The following SLC43A2 variants were observed in gnomAD, a reference collection of about 807,000 sequenced individuals.
SLC43A2 encodes the protein solute carrier family 43 member 2, also known as large neutral amino acids transporter small subunit 4.
Under a neutral mutation model 63.2 loss-of-function variants are expected in SLC43A2, and 38 were observed. The ratio of observed to expected loss-of-function variants is 0.60; its 90% CI spans 0.46 to 0.79. The LOEUF is 0.79. Among genes scored for constraint, SLC43A2 ranks in the 30% least tolerant of loss-of-function variants. The pLI is 0.00. For synonymous variants in SLC43A2, 322 were observed against 331.0 expected (o/e 0.97, Z 0.30); for missense variants, 644 against 756.2 (o/e 0.85, Z 1.74).
chr17:1,579,049 G>A (rs2075974275), intron 11 of SLC43A2, among the ~76,000 whole-genome samples: 1 of 151,592 alleles, frequency 6.6e-6, no homozygotes, highest in Non-Finnish European at 1.5e-5. Context: ...GTTGAGGCAG[G>A]AGAATCGCTT....
Position 1,606,630 on chromosome 17 carries a change from C to G in SLC43A2, c.501+6565G>C, listed in dbSNP as rs550026671. Among the ~76,000 whole-genome samples the G allele has an allele frequency of 6.6e-6, 1 of 152,204 alleles. No homozygotes were observed. Among genetic ancestry groups the G allele is most frequent in the African/African-American group, 2.4e-5 (1 of 41,446 alleles). The stretch of plus-strand genomic sequence containing the variant: ...GACCCCAAGATGCGGCCTCAGCCGC[C>G]GGCCGTGTTTGTGCTCCAGCCGATG... On this transcript the variant is annotated intron_variant, in intron 5 of 13. Transcript: ENST00000301335. The surrounding 1 kb of genome is among the most constrained non-coding windows in gnomAD (Gnocchi z 4.7).
intron 2 of SLC43A2, 30 bp downstream of exon 2, chr17:1,627,685 G>GCC (rs5818816): frequency 4.4e-5 from 61 of 1,390,878 alleles, no homozygotes; most frequent in South Asian, 8.8e-5. Flanking sequence ...AGCTCCAGGA[G>GCC]CCCCCCGCAA....
intron 2 of SLC43A2, 152 bp downstream of exon 2, chr17:1,627,563 G>A (rs1908767830): frequency 1.4e-6 from 1 of 736,078 alleles, no homozygotes; most frequent in Non-Finnish European, 2.1e-6. Flanking sequence ...ACAAGTACCC[G>A]GCAGGGCTGG....
chr17:1,590,920 G>A lies in SLC43A2; in HGVS notation c.960C>T (p.Phe320=), dbSNP rs775726308. The part of the protein sequence containing the change: ...AVAPSFMHSV[F]SPILLLSLVT... ...CCAGGCTGAGCAGCAGGATGGGGCT[G>A]AACACGCTGTGCATGAAGGAGGGGG... is the stretch of plus-strand genomic sequence containing the variant. The change falls in exon 9 of 14, where the codon TTC becomes TTT. Residue 320 remains phenylalanine (F), a synonymous_variant. Coordinates refer to ENST00000301335, the MANE Select transcript of SLC43A2 (RefSeq NM_152346.3). The A allele has an allele frequency of 2.6e-6, 4 of 1,551,480 alleles. No homozygotes were observed. In the East Asian group the frequency reaches 7.3e-5, roughly 28 times the overall value.
intron 5 of SLC43A2, among the ~76,000 whole-genome samples, chr17:1,612,767 T>A (rs1319401783): frequency 6.6e-6 from 1 of 151,596 alleles, no homozygotes; most frequent in Non-Finnish European, 1.5e-5. Context: ...AGGTCAGGAG[T>A]TTGAGACCAG....
chr17:1,593,036 G>A lies in SLC43A2; in HGVS notation c.594+151C>T, dbSNP rs988678371. On this transcript the variant is annotated intron_variant, in intron 6 of 13. Transcript: ENST00000301335. This position sits in a 1 kb window ranked among gnomAD's most constrained non-coding sequence, Gnocchi z 5.3. ...TGAGGCCCCGCGGTTTTCATTTGTC[G>A]CCCCTGTGATGCCCAGGTGCATCCT... The A allele has an allele frequency of 3.9e-5, 26 of 664,056 alleles. No individual in the cohort carries two copies. The highest frequency in any genetic ancestry group is 3.6e-4 in the African/African-American group (20 of 55,258). 41.1% of individuals were successfully genotyped at this position (664,056 alleles called of 1,614,324 possible).
intron 10 of SLC43A2, chr17:1,585,410 A>G (rs1294126651): frequency 6.0e-6 from 2 of 330,758 alleles, no homozygotes; most frequent in Admixed American, 9.5e-5. Flanking sequence ...GCACCTGGCT[A>G]ATTTTTTGTA....
intron 5 of SLC43A2, among the ~76,000 whole-genome samples, chr17:1,608,342 C>T (rs1161341200): frequency 6.6e-6 from 1 of 152,024 alleles, no homozygotes; most frequent in Non-Finnish European, 1.5e-5. Context: ...CTTTTTGCCT[C>T]CAGTGGGAGA....
rs571557244 is a variant in SLC43A2, at chr17:1,577,709, T to C, written c.1424+541A>G. On this transcript the variant is annotated intron_variant, in intron 12 of 13. Coordinates refer to ENST00000301335, the MANE Select transcript of SLC43A2 (RefSeq NM_152346.3). This position sits in a 1 kb window ranked among gnomAD's most constrained non-coding sequence, Gnocchi z 4.9. ...GAAGGAACCACTGTGGTTCCTTTTATGTTTCTGGGGCTTCTTGGAAAAAGA... is the reference window on the plus strand; with the variant it reads ...GAAGGAACCACTGTGGTTCCTTTTACGTTTCTGGGGCTTCTTGGAAAAAGA... Among the ~76,000 whole-genome samples, 2 of 152,334 alleles carry C rather than the reference T, an allele frequency of 1.3e-5. No homozygotes were observed. Among genetic ancestry groups the C allele is most frequent in the Admixed American group, 1.3e-4 (2 of 15,300 alleles).
intron 10 of SLC43A2, 164 bp downstream of exon 10, chr17:1,585,749 C>T (rs2076091483): frequency 4.4e-6 from 7 of 1,579,150 alleles, no homozygotes; most frequent in African/African-American, 1.3e-5. Context: ...GCAGTTGAAA[C>T]GCATGCTGAG....
intron 5 of SLC43A2, among the ~76,000 whole-genome samples, chr17:1,596,740 G>A (rs1458221386): frequency 2.0e-5 from 3 of 151,960 alleles, no homozygotes; most frequent in Non-Finnish European, 4.4e-5. Flanking sequence ...GTGCCACCAC[G>A]CCCAGCTATT....
At chr17:1,594,777 A>T (rs999932081) in intron 5 of SLC43A2, among the ~76,000 whole-genome samples, 11 of 151,410 alleles carry the variant, frequency 7.3e-5, no homozygotes, top group Non-Finnish European at 1.3e-4. Context: ...TTCAGTAGAG[A>T]CGGGGTTTCA....
intron 5 of SLC43A2, among the ~76,000 whole-genome samples, chr17:1,611,151 T>C (rs928537059): frequency 1.1e-4 from 16 of 151,556 alleles, no homozygotes; most frequent in African/African-American, 3.1e-4. Flanking sequence ...GCCTAAAGTC[T>C]TTCTTAACAG....
chr17:1,595,045 A>C (rs1402826461), intron 5 of SLC43A2, among the ~76,000 whole-genome samples: 1 of 151,808 alleles, frequency 6.6e-6, no homozygotes, highest in Non-Finnish European at 1.5e-5. Flanking sequence ...AGAGAGAGAG[A>C]CAAGGGGGGC....
rs1300056003 is a variant in SLC43A2 at position 1,578,682 on chromosome 17, C to G, written c.1351-359G>C. ...AGCTAGGATTACAGGCCCACGCCAC[C>G]ATGCCCGGCTAATTTTTGTATTTTT... On this transcript the variant is annotated intron_variant, in intron 11 of 13. Coordinates refer to ENST00000301335, the MANE Select transcript of SLC43A2 (RefSeq NM_152346.3). The surrounding 1 kb of genome is among the most constrained non-coding windows in gnomAD (Gnocchi z 6.5). 4.7e-6 allele frequency: 1 copy of G among 213,940 alleles called. No individual in the cohort carries two copies. The highest frequency in any genetic ancestry group is 9.4e-6 in the Non-Finnish European group (1 of 106,418). 13.3% of individuals were successfully genotyped at this position (213,940 alleles called of 1,614,324 possible).
chr17:1,601,232 C>T (rs1182009784), intron 5 of SLC43A2, among the ~76,000 whole-genome samples: 1 of 152,072 alleles, frequency 6.6e-6, no homozygotes, highest in Non-Finnish European at 1.5e-5. Context: ...CTGTTCCACA[C>T]GCTAATTTCA....
At chr17:1,592,939 C>T (rs994141783) in intron 6 of SLC43A2, among the ~76,000 whole-genome samples, 2 of 152,208 alleles carry the variant, frequency 1.3e-5, no homozygotes, top group African/African-American at 2.4e-5. Flanking sequence ...CACCGCCCTT[C>T]CCCTGCCCCA....
chr17:1,627,986 C>T, intron 1 of SLC43A2, 66 bp from the exon 2 acceptor site: 2 of 1,261,402 alleles, frequency 1.6e-6, no homozygotes, highest in South Asian at 5.8e-5. Context: ...CCCAGCAGCC[C>T]CGACCGCTGC....
rs771855468 is a variant in SLC43A2, at chr17:1,575,600, G to A, written c.*4C>T. ...AGGAGACCGCAGTTCCGAGGCGGCA[G>A]CCACTACACGAAGGCCTCCTGGTTG... On this transcript the variant is annotated 3_prime_UTR_variant, in exon 14 of 14. Transcript: ENST00000301335. 16 of 1,613,898 alleles carry A rather than the reference G, an allele frequency of 9.9e-6. No homozygotes were observed. In the Admixed American group the frequency reaches 2.7e-4, roughly 27 times the overall value.
Sources: allele counts gnomAD v4.1 joint callset (sites outside exome capture counted in the v4.1 genomes callset), GRCh38; gene constraint gnomAD v4.1.1; non-coding constraint Gnocchi (gnomAD v3.1); transcripts MANE v1.5; gene names NCBI Gene and HGNC (gene_info 2026-07-23, HGNC 2026-07-21).